The following PHF24 variants were observed in gnomAD, a reference collection of about 807,000 sequenced individuals.
The protein encoded by PHF24 is PHD finger protein 24, also known as Galpha inhibitory interacting protein.
A neutral mutation model predicts 42.6 loss-of-function variants in PHF24; 25 were observed. That is an observed-to-expected ratio of 0.59 (90% CI 0.43 to 0.82). The LOEUF is 0.82. Ranked by LOEUF, PHF24 falls within the 40% of genes least tolerant of loss-of-function variation. The pLI, the probability that PHF24 is intolerant of heterozygous loss-of-function variation, is 0.00. For missense variants in PHF24, 470 were observed against 538.1 expected, an observed-to-expected ratio of 0.87 and a Z score of 1.25; for synonymous variants, 185 against 204.8, an observed-to-expected ratio of 0.90 and a Z score of 0.83.
the PHF24 span, among the ~76,000 whole-genome samples, chr9:34,852,057 A>G: frequency 1.3e-5 from 2 of 152,086 alleles, no homozygotes; most frequent in Non-Finnish European, 2.9e-5. Context: ...AGCAAGACCA[A>G]CCCCTCTTTA....
At chr9:34,781,191 T>C in the PHF24 span, among the ~76,000 whole-genome samples, 1 of 152,198 alleles carries the variant, frequency 6.6e-6, no homozygotes, top group Admixed American at 6.5e-5. Context: ...TATAACAGCA[T>C]AATTCAACAA....
the PHF24 span, among the ~76,000 whole-genome samples, chr9:34,858,234 A>G: frequency 7.9e-5 from 12 of 152,232 alleles, no homozygotes; most frequent in South Asian, 2.5e-3. Flanking sequence ...GTACATTTGA[A>G]GAAGAAAAGA....
the PHF24 span, among the ~76,000 whole-genome samples, chr9:34,765,839 T>C: frequency 0.19 from 29,063 of 151,502 alleles, 3,211 homozygotes; most frequent in African/African-American, 0.3. Flanking sequence ...TGGCTGGTAC[T>C]GGTTGTTCCT....
the PHF24 span, among the ~76,000 whole-genome samples, chr9:34,737,514 A>C: frequency 6.6e-6 from 1 of 152,184 alleles, no homozygotes; most frequent in Non-Finnish European, 1.5e-5. Context: ...ATTTGTATAC[A>C]AGGTTTTGTT....
chr9:34,915,375 A>T, the PHF24 span, among the ~76,000 whole-genome samples: 36 of 150,000 alleles, frequency 2.4e-4, no homozygotes, highest in African/African-American at 7.6e-4. Flanking sequence ...TTTACAATGC[A>T]TATTGTCACT....
intron 3 of PHF24, among the ~76,000 whole-genome samples, chr9:34,975,180 G>A (rs34535412): frequency 3.0e-3 from 449 of 152,120 alleles, no homozygotes; most frequent in African/African-American, 1.0e-2. Flanking sequence ...CTCGATAAAG[G>A]GTATTGGAGG....
chr9:34,880,364 T>C, the PHF24 span, among the ~76,000 whole-genome samples: 2 of 152,032 alleles, frequency 1.3e-5, no homozygotes, highest in Admixed American at 6.6e-5. Flanking sequence ...TAACCTTAAA[T>C]GTAAATGTAA....
At chr9:34,837,443 A>G in the PHF24 span, 1 of 514,138 alleles carries the variant, frequency 1.9e-6, no homozygotes. Context: ...CATCTGCACT[A>G]TTTCCTCAAT....
At chr9:34,780,924 T>C in the PHF24 span, among the ~76,000 whole-genome samples, 2 of 152,124 alleles carry the variant, frequency 1.3e-5, no homozygotes, top group African/African-American at 4.8e-5. Flanking sequence ...CCTTTCACAA[T>C]GAGATACCAC....
At chr9:34,690,710 C>T in the PHF24 span, among the ~76,000 whole-genome samples, 37 of 152,120 alleles carry the variant, frequency 2.4e-4, no homozygotes, top group Admixed American at 1.5e-3. Flanking sequence ...GTAGGGTAGG[C>T]TGGTGTTAGG....
chr9:34,852,943 G>A, the PHF24 span, among the ~76,000 whole-genome samples: 1 of 152,216 alleles, frequency 6.6e-6, no homozygotes, highest in South Asian at 2.1e-4. Flanking sequence ...ATTTCCCTAG[G>A]CTTGGAAAGT....
the PHF24 span, among the ~76,000 whole-genome samples, chr9:34,791,593 A>G: frequency 2.6e-5 from 4 of 152,106 alleles, no homozygotes; most frequent in Admixed American, 1.3e-4. Flanking sequence ...AAAAAAAAAA[A>G]AAAAGAAAAG....
the PHF24 span, among the ~76,000 whole-genome samples, chr9:34,704,488 T>TGTGTGC: frequency 2.0e-5 from 3 of 147,566 alleles, no homozygotes; most frequent in African/African-American, 7.5e-5. Context: ...AGTGTGTGTG[T>TGTGTGC]GTGTGTGTGT....
the PHF24 span, among the ~76,000 whole-genome samples, chr9:34,782,336 G>C: frequency 1.3e-5 from 2 of 152,106 alleles, no homozygotes; most frequent in Non-Finnish European, 2.9e-5. Flanking sequence ...CTCGTGGTTT[G>C]TTTTCTGGTA....
At chr9:34,782,588 G>T in the PHF24 span, among the ~76,000 whole-genome samples, 1 of 152,196 alleles carries the variant, frequency 6.6e-6, no homozygotes, top group Admixed American at 6.5e-5. Context: ...AGAGCATGAA[G>T]TGGAAGTACT....
chr9:34,893,601 CAAAAAAA>C, the PHF24 span, among the ~76,000 whole-genome samples: 5 of 128,618 alleles, frequency 3.9e-5, no homozygotes, highest in Non-Finnish European at 6.7e-5. Context: ...AACTCTGTCT[CAAAAAAA>C]AAAAAGAAAA....
the PHF24 span, among the ~76,000 whole-genome samples, chr9:34,881,555 A>G: frequency 1.1e-4 from 17 of 152,180 alleles, no homozygotes; most frequent in African/African-American, 3.6e-4. Flanking sequence ...CAGAAATACA[A>G]ACTATCATCA....
the PHF24 span, among the ~76,000 whole-genome samples, chr9:34,905,128 T>C: frequency 3.9e-5 from 6 of 152,316 alleles, no homozygotes; most frequent in South Asian, 1.2e-3. Flanking sequence ...AAGAAACCAC[T>C]TGGTTCAGAG....
the PHF24 span, chr9:34,837,390 G>A: frequency 7.2e-6 from 3 of 414,742 alleles, no homozygotes; most frequent in Admixed American, 7.6e-5. Flanking sequence ...GAGATGAAGT[G>A]ACTTCCACAG....
Sources: gnomAD v4.1 joint callset for allele counts (sites outside exome capture counted in the v4.1 genomes callset) on GRCh38, gnomAD v4.1.1 for gene constraint, MANE v1.5 for transcripts, NCBI Gene and HGNC (gene_info 2026-07-23, HGNC 2026-07-21) for gene names.